The following C8orf34 variants were observed in gnomAD, a reference collection of about 807,000 sequenced individuals.
C8orf34 encodes the protein chromosome 8 open reading frame 34, also known as uncharacterized protein C8orf34.
Under a neutral mutation model 68.3 loss-of-function variants are expected in C8orf34, and 65 were observed. The observed-to-expected ratio is 0.95, with a 90% CI of 0.78 to 1.17. The LOEUF (loss-of-function observed/expected upper bound fraction) is 1.17, where lower values mean the gene tolerates loss of function less well. Ranked by LOEUF, C8orf34 falls within the 50% of genes most tolerant of loss-of-function variation. The pLI is 0.00. For synonymous variants in C8orf34, 244 were observed against 241.2 expected, an observed-to-expected ratio of 1.01 and a Z score of -0.11; for missense variants, 664 against 655.4, an observed-to-expected ratio of 1.01 and a Z score of -0.14.
chr8:68,773,223 C>T (rs1034739186), intron 10 of C8orf34, among the ~76,000 whole-genome samples: 1 of 151,940 alleles, frequency 6.6e-6, no homozygotes, highest in South Asian at 2.1e-4. Context: ...ATGGGGAACC[C>T]GAGATAGATG....
At chr8:68,563,391 A>C (rs1287607803) in intron 7 of C8orf34, among the ~76,000 whole-genome samples, 2 of 152,216 alleles carry the variant, frequency 1.3e-5, no homozygotes, top group African/African-American at 4.8e-5. Flanking sequence ...AGACTGAGTC[A>C]GGAAAATAAA....
chr8:68,634,741 G>A lies in C8orf34; in HGVS notation c.1106-5635G>A, dbSNP rs138870315. On this transcript the variant is annotated intron_variant, in intron 7 of 13. Transcript: ENST00000518698. ...TCTGTCACCTTTTAGAGCTTGGTAA[G>A]TATTCAGTAGTTATTAGGAGCTCAT... is the stretch of plus-strand genomic sequence containing the variant. Among the ~76,000 whole-genome samples, 781 of 152,260 alleles carry A rather than the reference G, an allele frequency of 5.1e-3. 8 individuals are homozygous for A. The highest frequency in any genetic ancestry group is 0.018 in the African/African-American group (736 of 41,546).
intron 7 of C8orf34, among the ~76,000 whole-genome samples, chr8:68,545,314 C>T (rs892008661): frequency 6.6e-6 from 1 of 152,128 alleles, no homozygotes; most frequent in Non-Finnish European, 1.5e-5. Flanking sequence ...TTGCCTTCCT[C>T]CATGATTGTG....
intron 8 of C8orf34, among the ~76,000 whole-genome samples, chr8:68,670,339 A>G (rs1340760204): frequency 6.6e-6 from 1 of 152,206 alleles, no homozygotes; most frequent in African/African-American, 2.4e-5. Flanking sequence ...CTTATTTCCA[A>G]AAGAAATGAA....
At chr8:68,452,849 G>C (rs72664962) in intron 3 of C8orf34, among the ~76,000 whole-genome samples, 2 of 151,080 alleles carry the variant, frequency 1.3e-5, no homozygotes, top group East Asian at 3.9e-4. Context: ...CCAAATCCAA[G>C]GTCATAATGA....
intron 1 of C8orf34, among the ~76,000 whole-genome samples, chr8:68,395,357 TCTCTCACACACACA>T (rs67818595): frequency 0.47 from 64,792 of 137,708 alleles, 14,063 homozygotes; most frequent in Non-Finnish European, 0.52. Context: ...TCTCTGTGTG[TCTCTCACACACACA>T]CACACACACA....
intron 1 of C8orf34, among the ~76,000 whole-genome samples, chr8:68,345,587 T>G (rs1806246027): frequency 6.6e-6 from 1 of 151,964 alleles, no homozygotes; most frequent in African/African-American, 2.4e-5. Context: ...TAGGAAAATT[T>G]AAAATATTCC....
Position 68,697,909 on chromosome 8 carries a change from T to C in C8orf34, c.1242-11085T>C, listed in dbSNP as rs568822371. Among the ~76,000 whole-genome samples, 3 of 152,110 alleles carry C rather than the reference T, an allele frequency of 2.0e-5. No homozygotes were observed. In the South Asian group the frequency reaches 6.2e-4, roughly 31 times the overall value. On this transcript the variant is annotated intron_variant, in intron 8 of 13. Coordinates refer to ENST00000518698, the MANE Select transcript of C8orf34 (RefSeq NM_052958.4). ...CTGTTTGTTGGTGTTGCACGACAGC[T>C]CACTTTCCTTAGGCTGCAACCTCAG...
In C8orf34 at chr8:68,339,987, C is replaced by A. The variant is rs570564886; in HGVS notation, c.327+8648C>A. Among the ~76,000 whole-genome samples, 130 of 152,038 alleles carry A rather than the reference C, an allele frequency of 8.6e-4. 2 individuals are homozygous for A. In the South Asian group the frequency reaches 0.012, roughly 14 times the overall value. ...ACAACATAATTGAATAAAAACTTTT[C>A]ATAAGAAGATGTATAGGTGGCAAAG... On this transcript the variant is annotated intron_variant, in intron 1 of 13. Transcript: ENST00000518698.
At chr8:68,354,221 T>A (rs1806647197) in intron 1 of C8orf34, among the ~76,000 whole-genome samples, 1 of 152,176 alleles carries the variant, frequency 6.6e-6, no homozygotes, top group Non-Finnish European at 1.5e-5. Flanking sequence ...AGATATTTTA[T>A]CCATAATATA....
chr8:68,499,017 C>T (rs1220702292), intron 5 of C8orf34, among the ~76,000 whole-genome samples: 2 of 152,036 alleles, frequency 1.3e-5, no homozygotes, highest in African/African-American at 4.8e-5. Context: ...ATGAAAGATC[C>T]CATCAACCAG....
intron 3 of C8orf34, among the ~76,000 whole-genome samples, chr8:68,457,148 A>AT (rs144353803): frequency 1.3e-5 from 2 of 152,050 alleles, no homozygotes; most frequent in African/African-American, 4.8e-5. Flanking sequence ...TTCTCAGGGT[A>AT]TTTTTTTAAA....
chr8:68,498,699 T>C (rs1373099928), intron 5 of C8orf34, among the ~76,000 whole-genome samples: 1 of 152,224 alleles, frequency 6.6e-6, no homozygotes, highest in African/African-American at 2.4e-5. Flanking sequence ...GTAAGGTCCA[T>C]AAATTTAAGT....
At chr8:68,780,755 CACACACACAT>C (rs1191011305) in intron 11 of C8orf34, among the ~76,000 whole-genome samples, 13 of 152,232 alleles carry the variant, frequency 8.5e-5, no homozygotes, top group East Asian at 1.9e-4. Context: ...CATCGCTAAA[CACACACACAT>C]ACACACACAT....
chr8:68,615,757 T>G (rs1818189188), intron 7 of C8orf34, among the ~76,000 whole-genome samples: 1 of 152,184 alleles, frequency 6.6e-6, no homozygotes, highest in African/African-American at 2.4e-5. Context: ...TTCTCTCTTT[T>G]GGTTTTGTCT....
At chr8:68,463,667 A>G (rs1231708916) in intron 3 of C8orf34, among the ~76,000 whole-genome samples, 13 of 152,238 alleles carry the variant, frequency 8.5e-5, no homozygotes, top group Non-Finnish European at 1.5e-5. Flanking sequence ...AATCCAGCAT[A>G]TAAACAGAAT....
chr8:68,489,412 G>A (rs1394246648), intron 5 of C8orf34, among the ~76,000 whole-genome samples: 1 of 152,144 alleles, frequency 6.6e-6, no homozygotes, highest in Non-Finnish European at 1.5e-5. Context: ...GAAATGTTTT[G>A]AATTTCAGGT....
At chr8:68,518,953 A>G (rs1411786566) in intron 5 of C8orf34, among the ~76,000 whole-genome samples, 2 of 152,138 alleles carry the variant, frequency 1.3e-5, no homozygotes, top group East Asian at 3.9e-4. Flanking sequence ...TGTTACATAA[A>G]TTGTGATTGA....
chr8:68,784,646 T>A (rs899042140), intron 11 of C8orf34, among the ~76,000 whole-genome samples: 1 of 152,232 alleles, frequency 6.6e-6, no homozygotes, highest in Non-Finnish European at 1.5e-5. Flanking sequence ...TTTTTATCTA[T>A]ATGGACTTAC....
Sources: gnomAD v4.1 joint callset for allele counts (sites outside exome capture counted in the v4.1 genomes callset) on GRCh38, gnomAD v4.1.1 for gene constraint, MANE v1.5 for transcripts, NCBI Gene and HGNC (gene_info 2026-07-23, HGNC 2026-07-21) for gene names.